The following ZNF618 variants were observed in gnomAD, a reference collection of about 807,000 sequenced individuals.
The protein encoded by ZNF618 is neural precursor cell expressed, developmentally down-regulated 10.
In ZNF618, 34 loss-of-function variants were observed where a neutral mutation model predicts 103.0. That is an observed-to-expected ratio of 0.33 (90% confidence interval 0.25 to 0.44). ZNF618 has a LOEUF of 0.44. Ranked by LOEUF, ZNF618 falls within the 20% of genes least tolerant of loss-of-function variation. The pLI, the probability that ZNF618 is intolerant of heterozygous loss-of-function variation, is 1.00. For synonymous variants in ZNF618, 551 were observed against 542.2 expected, an observed-to-expected ratio of 1.02 and a Z score of -0.23; for missense variants, 1,059 against 1,295.4, an observed-to-expected ratio of 0.82 and a Z score of 2.80.
At chr9:113,990,172 C>T (rs888700951) in intron 3 of ZNF618, among the ~76,000 whole-genome samples, 3 of 152,206 alleles carry the variant, frequency 2.0e-5, no homozygotes, top group African/African-American at 4.8e-5. Flanking sequence ...AACTCCAGTG[C>T]CACCTCCTCC....
chr9:114,013,616 A>G (rs1436880797), intron 9 of ZNF618, among the ~76,000 whole-genome samples: 1 of 152,132 alleles, frequency 6.6e-6, no homozygotes, highest in African/African-American at 2.4e-5. Context: ...TATTTTTAGT[A>G]GAGACGGGGT....
At chr9:113,891,189 A>T (rs1829586700) in intron 1 of ZNF618, among the ~76,000 whole-genome samples, 1 of 152,252 alleles carries the variant, frequency 6.6e-6, no homozygotes, top group African/African-American at 2.4e-5. Context: ...CTCCATATTA[A>T]GAATTTATAG....
At chr9:113,948,154 C>T (rs1327597364) in intron 1 of ZNF618, among the ~76,000 whole-genome samples, 2 of 152,174 alleles carry the variant, frequency 1.3e-5, no homozygotes, top group Admixed American at 6.5e-5. Flanking sequence ...AGTGCGACCT[C>T]ATAAATGGAG....
chr9:113,924,834 G>C (rs1442635037), intron 1 of ZNF618, among the ~76,000 whole-genome samples: 1 of 151,826 alleles, frequency 6.6e-6, no homozygotes, highest in Non-Finnish European at 1.5e-5. Context: ...GGAATTTTCT[G>C]GCAGTCTTTC....
At chr9:114,040,833 T>C (rs1356526673) in intron 13 of ZNF618, among the ~76,000 whole-genome samples, 4 of 152,268 alleles carry the variant, frequency 2.6e-5, no homozygotes, top group African/African-American at 9.6e-5. Flanking sequence ...TATAATCCTT[T>C]GGGTATATAC....
chr9:113,957,105 A>G (rs890062840), intron 1 of ZNF618, among the ~76,000 whole-genome samples: 3 of 152,208 alleles, frequency 2.0e-5, no homozygotes, highest in Non-Finnish European at 4.4e-5. Flanking sequence ...TATGCTGGGA[A>G]CTACTGTGCC....
intron 1 of ZNF618, among the ~76,000 whole-genome samples, chr9:113,962,763 C>T (rs1279051883): frequency 6.6e-6 from 1 of 152,198 alleles, no homozygotes; most frequent in Non-Finnish European, 1.5e-5. Context: ...CTCCCTTGTC[C>T]CCAGCATTCC....
chr9:114,005,926 T>C (rs7028504), intron 6 of ZNF618, among the ~76,000 whole-genome samples: 83,575 of 152,038 alleles, frequency 0.55, 25,155 homozygotes, highest in Non-Finnish European at 0.66. Flanking sequence ...GCCCCACACC[T>C]TGCCACCTCT....
At chr9:113,901,277 C>T (rs1218328851) in intron 1 of ZNF618, among the ~76,000 whole-genome samples, 2 of 152,228 alleles carry the variant, frequency 1.3e-5, no homozygotes, top group African/African-American at 4.8e-5. Flanking sequence ...AGTTCTCCTG[C>T]GTCGTTGGGC....
At chr9:113,993,693 C>G (rs1157853861) in intron 3 of ZNF618, among the ~76,000 whole-genome samples, 1 of 152,130 alleles carries the variant, frequency 6.6e-6, no homozygotes, top group South Asian at 2.1e-4. Flanking sequence ...TGCAGGAGAC[C>G]GTGGAGGGAA....
intron 12 of ZNF618, among the ~76,000 whole-genome samples, chr9:114,035,962 C>T (rs930102365): frequency 6.6e-6 from 1 of 152,234 alleles, no homozygotes; most frequent in African/African-American, 2.4e-5. Flanking sequence ...TCAGTCTCTG[C>T]CCCAAGAGGG....
intron 13 of ZNF618, among the ~76,000 whole-genome samples, chr9:114,039,598 A>C (rs976453652): frequency 3.3e-5 from 5 of 151,370 alleles, no homozygotes; most frequent in Non-Finnish European, 7.4e-5. Context: ...TGATCCGCCC[A>C]CCTCAGCCCC....
intron 1 of ZNF618, among the ~76,000 whole-genome samples, chr9:113,945,209 G>GC (rs2132141300): frequency 6.6e-6 from 1 of 152,136 alleles, no homozygotes; most frequent in East Asian, 1.9e-4. Flanking sequence ...TGTGGATTAT[G>GC]CCCCCTTCCC....
intron 12 of ZNF618, 117 bp downstream of exon 12, chr9:114,032,845 G>C (rs192688055): frequency 2.3e-6 from 2 of 886,340 alleles, no homozygotes; most frequent in East Asian, 4.9e-5. Flanking sequence ...TATGGATCTT[G>C]TTGGGAGGAG....
At chr9:113,878,053 A>G (rs1217125686) in intron 1 of ZNF618, among the ~76,000 whole-genome samples, 1 of 152,080 alleles carries the variant, frequency 6.6e-6, no homozygotes, top group Admixed American at 6.6e-5. Flanking sequence ...AAAAAAATTT[A>G]GATTGGTTTC....
At chr9:113,883,106 T>C (rs1828685578) in intron 1 of ZNF618, among the ~76,000 whole-genome samples, 1 of 152,212 alleles carries the variant, frequency 6.6e-6, no homozygotes, top group African/African-American at 2.4e-5. Flanking sequence ...TGGAAATAGC[T>C]CAGATCAGTG....
At chr9:113,993,276 A>G (rs1840250400) in intron 3 of ZNF618, among the ~76,000 whole-genome samples, 1 of 152,202 alleles carries the variant, frequency 6.6e-6, no homozygotes, top group Non-Finnish European at 1.5e-5. Context: ...CTCCGGGTTC[A>G]TGGCAGTCCC....
chr9:114,035,831 G>C (rs150922544), intron 12 of ZNF618, among the ~76,000 whole-genome samples: 1 of 151,774 alleles, frequency 6.6e-6, no homozygotes, highest in African/African-American at 2.4e-5. Context: ...TTTCCTTCTT[G>C]TTTTCCTTAT....
intron 9 of ZNF618, among the ~76,000 whole-genome samples, chr9:114,009,104 T>C (rs1342218395): frequency 2.6e-5 from 4 of 152,042 alleles, no homozygotes; most frequent in Non-Finnish European, 4.4e-5. Context: ...TTGATAAACT[T>C]GTATTGAGTG....
Sources: allele counts gnomAD v4.1 joint callset (sites outside exome capture counted in the v4.1 genomes callset), GRCh38; gene constraint gnomAD v4.1.1; transcripts MANE v1.5; gene names NCBI Gene and HGNC (gene_info 2026-07-23, HGNC 2026-07-21).